Variants in HBP1 observed in about 807,000 individuals in gnomAD.
HBP1 encodes HMG box-containing protein 1.
Under a neutral mutation model 62.6 loss-of-function variants are expected in HBP1, and 20 were observed. That is an observed-to-expected ratio of 0.32 (90% CI 0.22 to 0.46). HBP1 has a LOEUF of 0.46. Among genes scored for constraint, HBP1 ranks in the 20% least tolerant of loss-of-function variants. HBP1 has a pLI of 1.00. For synonymous variants in HBP1, 232 were observed against 206.2 expected, an observed-to-expected ratio of 1.12 and a Z score of -1.07; for missense variants, 480 against 611.8, an observed-to-expected ratio of 0.78 and a Z score of 2.27.
At chr7:107,169,215 GGGGGT>G in intron 1 of HBP1, 30 bp downstream of exon 1, 1 of 911,660 alleles carries the variant, frequency 1.1e-6, no homozygotes, top group Non-Finnish European at 1.4e-6. Flanking sequence ...GGGAAGAGGT[GGGGGT>G]GGGGAAGGGA....
In HBP1 at chr7:107,202,385, C is replaced by A; in HGVS notation, c.*954C>A. On this transcript the variant is annotated 3_prime_UTR_variant, in exon 11 of 11. Coordinates refer to ENST00000222574, the MANE Select transcript of HBP1 (RefSeq NM_012257.4). Reference sequence around the variant, plus strand: ...CAATCATGGCTTTTCATGTTACTTACCAAGTGGTGTTTCTGGTTAGGAATC... The same window carrying A: ...CAATCATGGCTTTTCATGTTACTTAACAAGTGGTGTTTCTGGTTAGGAATC... 1 of 152,602 alleles carries A rather than the reference C, an allele frequency of 6.6e-6. No homozygotes were observed. 9.5% of individuals were successfully genotyped at this position (152,602 alleles called of 1,614,324 possible).
intron 1 of HBP1, among the ~76,000 whole-genome samples, chr7:107,171,073 A>ATATATATTTTTTTTTTT: frequency 1.3e-4 from 11 of 87,200 alleles, no homozygotes; most frequent in African/African-American, 6.6e-4. Flanking sequence ...ATATATATAT[A>ATATATATTTTTTTTTTT]TTTTTTTTTT....
chr7:107,169,727 A>G, intron 1 of HBP1: 2 of 985,096 alleles, frequency 2.0e-6, no homozygotes, highest in Non-Finnish European at 2.4e-6. Context: ...CGCAGTTCGA[A>G]TGAATGGGCT....
chr7:107,185,650 A>G, intron 3 of HBP1, 151 bp from the exon 4 acceptor site: 1 of 558,852 alleles, frequency 1.8e-6, no homozygotes, highest in South Asian at 3.5e-5. Context: ...GAATATAATT[A>G]TAAAATGAAA....
rs372297264 is a variant in HBP1, at chr7:107,185,909, T to C, written c.507T>C (p.His169=). ...SKSEPAFPHH[H]WKEETPVRHE... ...GTGAACCAGCCTTCCCTCATCACCA[T>C]TGGAAGGAGGAAACACCAGTAAGAC... Residue 169 remains histidine (H), a synonymous_variant, in exon 4 of 11, where the codon CAT becomes CAC. Coordinates refer to ENST00000222574, the MANE Select transcript of HBP1 (RefSeq NM_012257.4). 1.4e-5 allele frequency: 23 copies of C among 1,612,306 alleles called. No homozygotes were observed. In the African/African-American group the frequency reaches 1.7e-4, roughly 12 times the overall value.
At chr7:107,179,356 A>G (rs1797002856) in intron 1 of HBP1, among the ~76,000 whole-genome samples, 1 of 152,222 alleles carries the variant, frequency 6.6e-6, no homozygotes, top group Non-Finnish European at 1.5e-5. Context: ...CAAGATATTA[A>G]TCTTTTGGGA....
At chr7:107,178,309 C>G (rs893640600) in intron 1 of HBP1, among the ~76,000 whole-genome samples, 1 of 152,062 alleles carries the variant, frequency 6.6e-6, no homozygotes, top group African/African-American at 2.4e-5. Flanking sequence ...CTGCATCAGG[C>G]TAGAACTTTT....
chr7:107,171,012 T>TATATATATAAAATATATAACATACATGC, intron 1 of HBP1, among the ~76,000 whole-genome samples: 1 of 143,868 alleles, frequency 7.0e-6, no homozygotes, highest in African/African-American at 2.6e-5. Flanking sequence ...CATATACATG[T>TATATATATAAAATATATAACATACATGC]ATATATATAA....
intron 8 of HBP1, chr7:107,192,548 C>G (rs184497509): frequency 2.0e-4 from 31 of 152,042 alleles, no homozygotes; most frequent in African/African-American, 7.0e-4. Flanking sequence ...AAATATTATT[C>G]TTAATTTGGA....
At chr7:107,183,715 C>T (rs1447255745) in intron 3 of HBP1, among the ~76,000 whole-genome samples, 1 of 150,884 alleles carries the variant, frequency 6.6e-6, no homozygotes, top group Non-Finnish European at 1.5e-5. Flanking sequence ...TTAATAATAA[C>T]AGTTTATGGA....
intron 3 of HBP1, among the ~76,000 whole-genome samples, chr7:107,184,521 GT>G (rs1055903989): frequency 4.6e-5 from 7 of 151,832 alleles, no homozygotes; most frequent in African/African-American, 1.7e-4. Flanking sequence ...TTTTGTTTTT[GT>G]TTTTTTGAGA....
intron 8 of HBP1, among the ~76,000 whole-genome samples, chr7:107,193,660 A>T (rs963128080): frequency 6.6e-6 from 1 of 152,220 alleles, no homozygotes; most frequent in African/African-American, 2.4e-5. Context: ...TGATTAAAAA[A>T]TGAGTTAAGA....
At chr7:107,169,751 G>A (rs1256397666) in intron 1 of HBP1, 3 of 985,188 alleles carry the variant, frequency 3.0e-6, no homozygotes, top group East Asian at 1.1e-4. Flanking sequence ...AGGCGCCTGC[G>A]CGCTGGGGCT....
chr7:107,191,930 C>A (rs578009385), intron 8 of HBP1, among the ~76,000 whole-genome samples: 24 of 151,922 alleles, frequency 1.6e-4, no homozygotes, highest in African/African-American at 5.8e-4. Context: ...CTTATTATGG[C>A]AAAAAAATAC....
Position 107,186,626 on chromosome 7 carries a change from T to G in HBP1, c.710T>G (p.Phe237Cys). ...AAGGAATGGCAAGATGTTGAAGATT[T>G]TGCTAGAGCTGAAGGCTGTGATAAT... ...SNKEWQDVED[F>C]ARAEGCDNEE... is the part of the protein sequence containing the mutation. Residue 237 changes from phenylalanine to cysteine, a missense_variant, in exon 6 of 11, where the codon TTT becomes TGT. This residue lies in a region of HBP1 where 304 missense variants were observed against 330.9 expected (regional missense o/e 0.92). Transcript: ENST00000222574. 6.2e-7 allele frequency: 1 copy of G among 1,613,718 alleles called. No homozygotes were observed. The highest frequency in any genetic ancestry group is 8.5e-7 in the Non-Finnish European group (1 of 1,179,606).
At chr7:107,195,749 T>G (rs1797868423) in intron 8 of HBP1, 85 bp from the exon 9 acceptor site, 1 of 684,084 alleles carries the variant, frequency 1.5e-6, no homozygotes, top group Non-Finnish European at 2.2e-6. Context: ...TCAGATGTTT[T>G]CTTTTTTTTT....
At chr7:107,171,073 A>ATATATATATTTTTTTTTTTTTTT in intron 1 of HBP1, among the ~76,000 whole-genome samples, 1 of 87,194 alleles carries the variant, frequency 1.1e-5, no homozygotes, top group East Asian at 3.0e-4. Context: ...ATATATATAT[A>ATATATATATTTTTTTTTTTTTTT]TTTTTTTTTT....
rs777996966 is a variant in HBP1, at chr7:107,200,109, GATTT to G, written c.1386-48_1386-45del. 27 of 1,422,388 alleles carry G rather than the reference GATTT, an allele frequency of 1.9e-5. 1 individual carries two copies. In the East Asian group the frequency reaches 6.5e-4, roughly 34 times the overall value. 88.1% of individuals were successfully genotyped at this position (1,422,388 alleles called of 1,614,324 possible). A position where few individuals can be genotyped will look rare whatever the true frequency, so the allele number is the denominator to read the frequency against. On this transcript the variant is annotated intron_variant, in intron 9 of 10. Transcript: ENST00000222574. ...CCTGAAGTAGCAGCACTTGACATGA[GATTT>G]ATGAAAAATGTGTGCTTTCAGCATT... is the stretch of plus-strand genomic sequence containing the variant.
intron 6 of HBP1, among the ~76,000 whole-genome samples, chr7:107,188,523 C>T (rs1797496598): frequency 6.6e-6 from 1 of 152,074 alleles, no homozygotes. Context: ...GTGTTTGTCT[C>T]CTTTGTTTTT....
Sources: gnomAD v4.1 joint callset for allele counts (sites outside exome capture counted in the v4.1 genomes callset) on GRCh38, gnomAD v4.1.1 for gene constraint, gnomAD v4.1.1 regional missense constraint, MANE v1.5 for transcripts, NCBI Gene and HGNC (gene_info 2026-07-23, HGNC 2026-07-21) for gene names.